IPMK: variants seen among roughly 807,000 people sequenced by gnomAD.
IPMK encodes the protein inositol polyphosphate multikinase.
In IPMK, 17 loss-of-function variants were observed where a neutral mutation model predicts 45.8. That is an observed-to-expected ratio of 0.37 (90% confidence interval 0.25 to 0.56). The LOEUF is 0.56. IPMK is among the 20% of genes least tolerant of loss of function. IPMK has a pLI of 0.79. For synonymous variants in IPMK, 180 were observed against 184.3 expected (o/e 0.98, Z 0.19); for missense variants, 399 against 498.0 (o/e 0.80, Z 1.89).
At chr10:58,219,393 A>C (rs1272769402) in intron 3 of IPMK, among the ~76,000 whole-genome samples, 1 of 152,204 alleles carries the variant, frequency 6.6e-6, no homozygotes, top group Non-Finnish European at 1.5e-5. Flanking sequence ...CTGAGCATTG[A>C]GATTTTTACT....
At chr10:58,251,146 C>T (rs1409798870) in intron 1 of IPMK, among the ~76,000 whole-genome samples, 2 of 152,116 alleles carry the variant, frequency 1.3e-5, no homozygotes, top group Admixed American at 6.5e-5. Context: ...TAAAAACTTC[C>T]CTCAAAGAAC....
chr10:58,238,079 A>G (rs1838640887), intron 1 of IPMK, among the ~76,000 whole-genome samples: 1 of 152,200 alleles, frequency 6.6e-6, no homozygotes, highest in Non-Finnish European at 1.5e-5. Flanking sequence ...TAATACATAA[A>G]ACATATGTGT....
intron 1 of IPMK, among the ~76,000 whole-genome samples, chr10:58,264,877 G>A (rs528962528): frequency 6.6e-6 from 1 of 152,220 alleles, no homozygotes; most frequent in South Asian, 2.1e-4. Context: ...ACAGAACCGC[G>A]CTAATGTGTT....
At chr10:58,221,627 T>C (rs956035229) in intron 3 of IPMK, among the ~76,000 whole-genome samples, 4 of 152,198 alleles carry the variant, frequency 2.6e-5, no homozygotes, top group Admixed American at 2.0e-4. Context: ...AGTACAATCA[T>C]GGCTCACTGC....
At chr10:58,260,427 T>C (rs559550521) in intron 1 of IPMK, among the ~76,000 whole-genome samples, 9 of 152,330 alleles carry the variant, frequency 5.9e-5, no homozygotes, top group South Asian at 4.1e-4. Flanking sequence ...AATTTTACTA[T>C]GGTTAGGTGA....
At chr10:58,202,667 A>T (rs1264193294) in intron 4 of IPMK, among the ~76,000 whole-genome samples, 2 of 152,170 alleles carry the variant, frequency 1.3e-5, no homozygotes, top group Non-Finnish European at 2.9e-5. Flanking sequence ...CAAAACAAAC[A>T]AACAAAAAAA....
rs2790158 is a variant in IPMK at position 58,211,223 on chromosome 10, G to T, written c.546+4922C>A. Among the ~76,000 whole-genome samples the T allele has an allele frequency of 1.1e-4, 16 of 148,730 alleles. No homozygotes were observed. The East Asian group carries it at 2.8e-3, about 26-fold the overall frequency. The stretch of plus-strand genomic sequence containing the variant: ...TTTTTTTTTTATGAGACAGAGTCTC[G>T]CTCTGTCACCCAGGCTGGAGTGCAG... On this transcript the variant is annotated intron_variant, in intron 4 of 5. Transcript: ENST00000373935.
intron 4 of IPMK, among the ~76,000 whole-genome samples, chr10:58,207,262 C>G (rs931259465): frequency 2.0e-5 from 3 of 152,206 alleles, no homozygotes; most frequent in Admixed American, 6.5e-5. Context: ...CTCGGCCTCC[C>G]GAAGTGCTGG....
At chr10:58,201,510 T>C (rs990062876) in intron 4 of IPMK, among the ~76,000 whole-genome samples, 5 of 152,222 alleles carry the variant, frequency 3.3e-5, no homozygotes, top group Admixed American at 1.3e-4. Context: ...GTGTCCTGAC[T>C]GTTCCACTGA....
At chr10:58,239,317 G>A (rs1257954136) in intron 1 of IPMK, among the ~76,000 whole-genome samples, 3 of 152,144 alleles carry the variant, frequency 2.0e-5, no homozygotes, top group Non-Finnish European at 4.4e-5. Context: ...AGGTTCAGAT[G>A]GAGCACAAGA....
chr10:58,228,121 A>G (rs1433435997), intron 2 of IPMK, among the ~76,000 whole-genome samples: 1 of 152,194 alleles, frequency 6.6e-6, no homozygotes, highest in African/African-American at 2.4e-5. Context: ...CTTCCAGGCC[A>G]AGGTAATTTA....
chr10:58,263,688 A>G (rs746602989), intron 1 of IPMK, among the ~76,000 whole-genome samples: 7 of 152,176 alleles, frequency 4.6e-5, no homozygotes, highest in Non-Finnish European at 7.3e-5. Flanking sequence ...TGTCTCAAAA[A>G]ACAAACAAAC....
intron 1 of IPMK, among the ~76,000 whole-genome samples, chr10:58,240,699 A>G (rs1838684322): frequency 6.6e-6 from 1 of 151,690 alleles, no homozygotes; most frequent in Non-Finnish European, 1.5e-5. Context: ...TGACTCACCC[A>G]TGGAGCGGAA....
chr10:58,249,637 T>C (rs953039557), intron 1 of IPMK, among the ~76,000 whole-genome samples: 2 of 152,204 alleles, frequency 1.3e-5, no homozygotes, highest in African/African-American at 2.4e-5. Context: ...AGATATTTTC[T>C]CCCATTCTAT....
chr10:58,245,096 A>AT (rs1371073940), intron 1 of IPMK, among the ~76,000 whole-genome samples: 30 of 151,348 alleles, frequency 2.0e-4, no homozygotes, highest in African/African-American at 7.0e-4. Flanking sequence ...AAATTAAAAA[A>AT]TACAAAAAGG....
chr10:58,216,389 C>T (rs1838245073), intron 3 of IPMK, 72 bp from the exon 4 acceptor site: 1 of 642,032 alleles, frequency 1.6e-6, no homozygotes, highest in South Asian at 4.1e-5. Context: ...CAGGGAAAAA[C>T]AAGATGAGAA....
At chr10:58,215,723 A>G (rs1333356819) in intron 4 of IPMK, among the ~76,000 whole-genome samples, 2 of 152,138 alleles carry the variant, frequency 1.3e-5, no homozygotes, top group East Asian at 3.9e-4. Context: ...CAATTACCAC[A>G]TTTTAAATTT....
chr10:58,205,078 C>T (rs151328632), intron 4 of IPMK, among the ~76,000 whole-genome samples: 1 of 152,094 alleles, frequency 6.6e-6, no homozygotes, highest in African/African-American at 2.4e-5. Context: ...AAAAAATTAA[C>T]TTAAAATGTA....
At chr10:58,197,397 T>C (rs1306229031) in intron 5 of IPMK, among the ~76,000 whole-genome samples, 1 of 149,428 alleles carries the variant, frequency 6.7e-6, no homozygotes, top group African/African-American at 2.5e-5. Context: ...ACGCCTGTAA[T>C]CCCAGCACTT....
Sources: gnomAD v4.1 joint callset for allele counts (sites outside exome capture counted in the v4.1 genomes callset) on GRCh38, gnomAD v4.1.1 for gene constraint, MANE v1.5 for transcripts, NCBI Gene and HGNC (gene_info 2026-07-23, HGNC 2026-07-21) for gene names.